RANBP2: variants seen among roughly 807,000 people sequenced by gnomAD.
RANBP2 encodes the protein E3 SUMO-protein ligase RanBP2.
In RANBP2, 57 loss-of-function variants were observed where a neutral mutation model predicts 303.6. The observed-to-expected ratio is 0.19, with a 90% CI of 0.15 to 0.23. The LOEUF (loss-of-function observed/expected upper bound fraction) is 0.23. Among genes scored for constraint, RANBP2 ranks in the 10% least tolerant of loss-of-function variants. The pLI is 1.00. For synonymous variants in RANBP2, 1,167 were observed against 1,301.5 expected (o/e 0.90, Z 2.23); for missense variants, 3,138 against 3,780.8 (o/e 0.83, Z 4.46).
chr2:109,421,006 T>C, the RANBP2 span, among the ~76,000 whole-genome samples: 1 of 152,216 alleles, frequency 6.6e-6, no homozygotes, highest in African/African-American at 2.4e-5. Flanking sequence ...GAGACTGATA[T>C]TCAAGTTTTC....
chr2:108,721,919 G>C (rs1694285593), intron 1 of RANBP2, among the ~76,000 whole-genome samples: 2 of 151,778 alleles, frequency 1.3e-5, no homozygotes, highest in South Asian at 2.1e-4. Context: ...TTTCTTTAAT[G>C]TAGAGACGGG....
the RANBP2 span, among the ~76,000 whole-genome samples, chr2:109,660,819 C>T: frequency 6.6e-6 from 1 of 152,240 alleles, no homozygotes; most frequent in Non-Finnish European, 1.5e-5. Flanking sequence ...CAGTTTCCTT[C>T]CCCAGCTCCT....
chr2:108,793,573 A>G, the RANBP2 span, among the ~76,000 whole-genome samples: 4 of 151,214 alleles, frequency 2.6e-5, no homozygotes, highest in Admixed American at 6.6e-5. Flanking sequence ...CTACTTATAT[A>G]CCCTCAGGAA....
At chr2:109,333,887 C>T in the RANBP2 span, among the ~76,000 whole-genome samples, 23 of 151,842 alleles carry the variant, frequency 1.5e-4, no homozygotes, top group African/African-American at 5.3e-4. Flanking sequence ...ATGATATCAC[C>T]AAAATAATAC....
chr2:109,174,866 C>A, the RANBP2 span, among the ~76,000 whole-genome samples: 1 of 152,186 alleles, frequency 6.6e-6, no homozygotes. Flanking sequence ...TTTCTTTCTG[C>A]CCCTCTGTCA....
the RANBP2 span, among the ~76,000 whole-genome samples, chr2:109,349,027 C>G: frequency 6.6e-6 from 1 of 152,168 alleles, no homozygotes; most frequent in African/African-American, 2.4e-5. Context: ...ATTTCTCTCT[C>G]TCTCTCTCTC....
the RANBP2 span, among the ~76,000 whole-genome samples, chr2:109,665,928 A>G: frequency 6.6e-6 from 1 of 151,854 alleles, no homozygotes; most frequent in African/African-American, 2.4e-5. Flanking sequence ...CCTGGCCAAC[A>G]TGGAGAAACC....
chr2:108,758,878 A>AGG (rs1676521972), intron 18 of RANBP2, among the ~76,000 whole-genome samples: 1 of 151,692 alleles, frequency 6.6e-6, no homozygotes, highest in Non-Finnish European at 1.5e-5. Context: ...TTAAGAACCT[A>AGG]CACCTCTGGG....
At chr2:109,419,302 C>T in the RANBP2 span, among the ~76,000 whole-genome samples, 1 of 152,174 alleles carries the variant, frequency 6.6e-6, no homozygotes, top group African/African-American at 2.4e-5. Flanking sequence ...AGATGCAGGC[C>T]GTAGAAGGCT....
At chr2:109,725,394 A>AG in the RANBP2 span, among the ~76,000 whole-genome samples, 2 of 152,216 alleles carry the variant, frequency 1.3e-5, no homozygotes, top group Non-Finnish European at 2.9e-5. Context: ...TGGCCTGGAC[A>AG]GGGGAGAAAC....
At chr2:109,570,920 C>T in the RANBP2 span, among the ~76,000 whole-genome samples, 208 of 152,280 alleles carry the variant, frequency 1.4e-3, 2 homozygotes, top group Middle Eastern at 3.4e-3. Context: ...ACCATGGCGA[C>T]ATGGTTTGGA....
the RANBP2 span, among the ~76,000 whole-genome samples, chr2:109,382,731 A>G: frequency 1.3e-5 from 2 of 152,202 alleles, no homozygotes; most frequent in Admixed American, 1.3e-4. Flanking sequence ...CTGGCGAGAG[A>G]TGCAGCCAAG....
the RANBP2 span, among the ~76,000 whole-genome samples, chr2:109,113,270 G>A: frequency 6.6e-6 from 1 of 152,146 alleles, no homozygotes. Context: ...CCATGAGCAT[G>A]GAATGTTCTT....
At chr2:109,087,348 G>C in the RANBP2 span, among the ~76,000 whole-genome samples, 7 of 152,278 alleles carry the variant, frequency 4.6e-5, no homozygotes, top group East Asian at 1.2e-3. Flanking sequence ...AAATGCTGCT[G>C]CGGGGGTTCT....
At chr2:108,856,772 A>AT in the RANBP2 span, 1 of 1,601,356 alleles carries the variant, frequency 6.2e-7, no homozygotes, top group African/African-American at 1.4e-5. Flanking sequence ...ACTGCAGTTG[A>AT]TTGTACATAA....
At chr2:108,881,258 A>G in the RANBP2 span, among the ~76,000 whole-genome samples, 1 of 152,162 alleles carries the variant, frequency 6.6e-6, no homozygotes, top group Non-Finnish European at 1.5e-5. Flanking sequence ...TGTTATGGAG[A>G]TGATTTCTTT....
chr2:109,351,675 G>A, the RANBP2 span, among the ~76,000 whole-genome samples: 6 of 152,338 alleles, frequency 3.9e-5, no homozygotes, highest in South Asian at 2.1e-4. Context: ...GAGAGTGCCC[G>A]CTGATCATGG....
chr2:109,001,580 G>A, the RANBP2 span, among the ~76,000 whole-genome samples: 2 of 152,254 alleles, frequency 1.3e-5, no homozygotes, highest in Non-Finnish European at 2.9e-5. Context: ...TGACTGCCAC[G>A]TTGTGGCCCT....
the RANBP2 span, among the ~76,000 whole-genome samples, chr2:109,655,546 T>C: frequency 2.0e-5 from 3 of 152,034 alleles, no homozygotes; most frequent in African/African-American, 7.3e-5. Context: ...GCGGAGACAG[T>C]GAGGCCTCCA....
Sources: gnomAD v4.1 joint callset for allele counts (sites outside exome capture counted in the v4.1 genomes callset) on GRCh38, gnomAD v4.1.1 for gene constraint, MANE v1.5 for transcripts, NCBI Gene and HGNC (gene_info 2026-07-23, HGNC 2026-07-21) for gene names.